Variants in IQCM observed in about 807,000 individuals in gnomAD.
IQCM encodes the protein IQ domain-containing protein M.
IQCM carries 45 observed loss-of-function variants against 57.6 expected under a neutral mutation model. The observed-to-expected ratio is 0.78, with a 90% CI of 0.62 to 1.00. IQCM has a LOEUF of 1.00. Among genes scored for constraint, IQCM ranks in the 50% least tolerant of loss-of-function variants. The pLI is 0.00. For missense variants in IQCM, 468 were observed against 511.6 expected, an observed-to-expected ratio of 0.91 and a Z score of 0.82; for synonymous variants, 148 against 158.9, an observed-to-expected ratio of 0.93 and a Z score of 0.51.
At chr4:149,627,947 G>A (rs1272615119) in intron 7 of IQCM, among the ~76,000 whole-genome samples, 3 of 152,152 alleles carry the variant, frequency 2.0e-5, no homozygotes, top group Non-Finnish European at 4.4e-5. Flanking sequence ...ATAAGTCAAG[G>A]AATGCAGGTG....
chr4:149,743,232 G>A (rs1469074065), intron 2 of IQCM, among the ~76,000 whole-genome samples: 1 of 152,068 alleles, frequency 6.6e-6, no homozygotes, highest in African/African-American at 2.4e-5. Context: ...GTTTATGCCA[G>A]CCTTCCACTC....
At chr4:149,702,687 T>A (rs1384413855) in intron 5 of IQCM, among the ~76,000 whole-genome samples, 48 of 151,970 alleles carry the variant, frequency 3.2e-4, no homozygotes, top group Admixed American at 3.1e-3. Context: ...CATAGTGACA[T>A]TTTTAGGCAT....
chr4:149,748,154 G>A (rs1768102499), intron 2 of IQCM, among the ~76,000 whole-genome samples: 1 of 152,176 alleles, frequency 6.6e-6, no homozygotes. Context: ...TGACTGAAGA[G>A]GATCTCATGG....
At chr4:149,410,518 T>C (rs967360377) in intron 13 of IQCM, among the ~76,000 whole-genome samples, 4 of 150,798 alleles carry the variant, frequency 2.7e-5, no homozygotes, top group Admixed American at 1.3e-4. Flanking sequence ...AACTAAAATT[T>C]ATGTAATATT....
chr4:149,779,023 CCAAA>C (rs200134026), intron 2 of IQCM, among the ~76,000 whole-genome samples: 3,392 of 152,002 alleles, frequency 0.022, 62 homozygotes, highest in South Asian at 0.036. Flanking sequence ...AGGGATAATA[CCAAA>C]CAAACAATTA....
chr4:149,522,130 C>T (rs180975777), intron 12 of IQCM, among the ~76,000 whole-genome samples: 1 of 152,240 alleles, frequency 6.6e-6, no homozygotes, highest in African/African-American at 2.4e-5. Context: ...GCTAAGAGAG[C>T]CTCTGCTGTT....
chr4:149,723,644 A>T (rs1260065788), intron 5 of IQCM, among the ~76,000 whole-genome samples: 3 of 151,954 alleles, frequency 2.0e-5, no homozygotes, highest in African/African-American at 7.2e-5. Context: ...AACCCTCTTG[A>T]TCATGGTGAA....
At chr4:149,777,302 A>G (rs1175468273) in intron 2 of IQCM, among the ~76,000 whole-genome samples, 4 of 152,202 alleles carry the variant, frequency 2.6e-5, no homozygotes, top group Admixed American at 2.6e-4. Context: ...ATTCACTCTC[A>G]GAGCATTCAA....
chr4:149,604,292 A>G (rs754904543), intron 8 of IQCM, among the ~76,000 whole-genome samples: 3 of 152,152 alleles, frequency 2.0e-5, no homozygotes, highest in African/African-American at 7.2e-5. Context: ...AAGAGTTTCA[A>G]ATAAAGGATT....
intron 13 of IQCM, among the ~76,000 whole-genome samples, chr4:149,380,974 T>G (rs1731037783): frequency 6.6e-6 from 1 of 152,220 alleles, no homozygotes; most frequent in East Asian, 1.9e-4. Context: ...TTTGCTTAGA[T>G]GTGTAACAGT....
chr4:149,790,470 T>G (rs1210993838), intron 2 of IQCM, among the ~76,000 whole-genome samples: 1 of 152,208 alleles, frequency 6.6e-6, no homozygotes, highest in African/African-American at 2.4e-5. Context: ...TTTGGAAATT[T>G]CCCTGATGTC....
chr4:149,491,653 T>C (rs1319479623), intron 12 of IQCM, among the ~76,000 whole-genome samples: 1 of 152,144 alleles, frequency 6.6e-6, no homozygotes, highest in Non-Finnish European at 1.5e-5. Flanking sequence ...TATCCATTCA[T>C]CCATTTATGG....
At chr4:149,780,117 C>T (rs944259512) in intron 2 of IQCM, 1 of 152,170 alleles carries the variant, frequency 6.6e-6, no homozygotes, top group East Asian at 1.9e-4. Flanking sequence ...GAAAAGGACA[C>T]AATTAAATAT....
At chr4:149,487,962 G>A (rs1376393745) in intron 12 of IQCM, among the ~76,000 whole-genome samples, 16 of 152,100 alleles carry the variant, frequency 1.1e-4, no homozygotes, top group Admixed American at 8.5e-4. Flanking sequence ...GCAGATACTT[G>A]TTAAAATTTG....
intron 5 of IQCM, among the ~76,000 whole-genome samples, chr4:149,731,736 C>A (rs138971321): frequency 3.0e-3 from 453 of 152,208 alleles, no homozygotes; most frequent in Admixed American, 8.5e-3. Context: ...AATGGGGGTT[C>A]TTTGGCCAAA....
chr4:149,735,254 T>C (rs1766829453), intron 4 of IQCM, 122 bp downstream of exon 4: 2 of 449,606 alleles, frequency 4.4e-6, no homozygotes, highest in Non-Finnish European at 7.3e-6. Flanking sequence ...ATTTTTCTCT[T>C]CAATTCTATT....
At chr4:149,472,666 C>T (rs1739706340) in intron 12 of IQCM, among the ~76,000 whole-genome samples, 2 of 152,134 alleles carry the variant, frequency 1.3e-5, no homozygotes, top group Admixed American at 6.5e-5. Flanking sequence ...ATTGCCAAGA[C>T]AATCTTAAGC....
chr4:149,355,930 G>A (rs1456085478), intron 13 of IQCM, among the ~76,000 whole-genome samples: 6 of 152,036 alleles, frequency 3.9e-5, no homozygotes, highest in South Asian at 2.1e-4. Flanking sequence ...TTTAATGATC[G>A]CCATTCTAAC....
chr4:149,641,063 G>A (rs2150114711), intron 7 of IQCM, among the ~76,000 whole-genome samples: 1 of 152,334 alleles, frequency 6.6e-6, no homozygotes, highest in Middle Eastern at 3.4e-3. Context: ...CAAGGAGGAA[G>A]AGGTTGCAGT....
Sources: allele counts gnomAD v4.1 joint callset (sites outside exome capture counted in the v4.1 genomes callset), GRCh38; gene constraint gnomAD v4.1.1; transcripts MANE v1.5; gene names NCBI Gene and HGNC (gene_info 2026-07-23, HGNC 2026-07-21).